FLI1: variants seen among roughly 807,000 people sequenced by gnomAD.
FLI1 encodes the protein Fli-1 proto-oncogene, ETS transcription factor.
Under a neutral mutation model 53.1 loss-of-function variants are expected in FLI1, and 13 were observed. The observed-to-expected ratio is 0.24, with a 90% confidence interval of 0.16 to 0.39. The LOEUF is 0.39. FLI1 is among the 10% of genes least tolerant of loss of function. The pLI is 1.00. For synonymous variants in FLI1, 244 were observed against 236.7 expected, an observed-to-expected ratio of 1.03 and a Z score of -0.28; for missense variants, 424 against 600.5, an observed-to-expected ratio of 0.71 and a Z score of 3.07.
In FLI1 at chr11:128,694,237, G is replaced by A. The variant is rs1281668606; in HGVS notation, c.-22G>A. 17 of 1,503,458 alleles carry A rather than the reference G, an allele frequency of 1.1e-5. No homozygotes were observed. Among genetic ancestry groups the A allele is most frequent in the Admixed American group, 2.3e-5 (1 of 43,564 alleles). The allele number at this position is 1,503,458 out of a possible 1,614,324, so 93.1% of individuals were successfully genotyped here. A position where few individuals can be genotyped will look rare whatever the true frequency, so the allele number is the denominator to read the frequency against. On this transcript the variant is annotated 5_prime_UTR_variant, in exon 1 of 9. Transcript: ENST00000527786. ...GGGTCAATGTGTGGAATATTGGGGG[G>A]CTCGGCTGCAGACTTGGCCAAATGG...
At chr11:128,751,823 TGG>T in intron 1 of FLI1, among the ~76,000 whole-genome samples, 1 of 148,620 alleles carries the variant, frequency 6.7e-6, no homozygotes, top group South Asian at 2.1e-4. Context: ...TTTTTTTTTT[TGG>T]GTTTGTTTTT....
chr11:128,727,384 G>A (rs563243774), intron 1 of FLI1, among the ~76,000 whole-genome samples: 5 of 152,214 alleles, frequency 3.3e-5, no homozygotes, highest in African/African-American at 7.2e-5. Flanking sequence ...GAAAACCAGC[G>A]ATAGCAAGCC....
chr11:128,759,066 G>A lies in FLI1; in HGVS notation c.230+740G>A, dbSNP rs11221460. On this transcript the variant is annotated intron_variant, in intron 2 of 8. Coordinates refer to ENST00000527786, the MANE Select transcript of FLI1 (RefSeq NM_002017.5). ...ACTTCCTTATGGTCCTTACTCTAGC[G>A]TTACTCTGATGCCTCAGGGAAAGGA... is the stretch of plus-strand genomic sequence containing the variant. Among the ~76,000 whole-genome samples, 1,401 of 152,302 alleles carry A rather than the reference G, an allele frequency of 9.2e-3. 22 individuals are homozygous for A. The highest frequency in any genetic ancestry group is 0.032 in the African/African-American group (1,335 of 41,540).
chr11:128,720,026 A>G (rs1474207872), intron 1 of FLI1, among the ~76,000 whole-genome samples: 1 of 152,182 alleles, frequency 6.6e-6, no homozygotes, highest in African/African-American at 2.4e-5. Flanking sequence ...CGTATAGAAA[A>G]TTTCAAAATA....
At chr11:128,694,983 C>G (rs1005700499) in intron 1 of FLI1, among the ~76,000 whole-genome samples, 1 of 152,134 alleles carries the variant, frequency 6.6e-6, no homozygotes, top group African/African-American at 2.4e-5. Flanking sequence ...AGCCCCCGTC[C>G]GCACAGATCC....
At chr11:128,691,506 A>AT (rs1371204718), upstream of FLI1, among the ~76,000 whole-genome samples, 1 of 152,050 alleles carries the variant, frequency 6.6e-6, no homozygotes, top group Non-Finnish European at 1.5e-5. Flanking sequence ...AAAATCGCCA[A>AT]CAACAGTGGC....
intron 1 of FLI1, among the ~76,000 whole-genome samples, chr11:128,714,474 T>G (rs1443674059): frequency 6.6e-6 from 1 of 152,234 alleles, no homozygotes; most frequent in Non-Finnish European, 1.5e-5. Context: ...TATCTGGTGT[T>G]TGTTAGAATT....
At chr11:128,724,358 G>A (rs1038716809) in intron 1 of FLI1, among the ~76,000 whole-genome samples, 2 of 152,160 alleles carry the variant, frequency 1.3e-5, no homozygotes, top group South Asian at 2.1e-4. Context: ...AGAGTGCCAC[G>A]GATATGGGGC....
At chr11:128,777,387 A>T (rs1941767548) in intron 4 of FLI1, among the ~76,000 whole-genome samples, 1 of 152,198 alleles carries the variant, frequency 6.6e-6, no homozygotes, top group Non-Finnish European at 1.5e-5. Flanking sequence ...TGGCTGCTCA[A>T]AAGAATGAAA....
Position 128,811,908 on chromosome 11 carries a change from C to T in FLI1, c.*920C>T, listed in dbSNP as rs968351595. ...TAATTAAAAATTAAGAATAAATAAACGAGTTGACCTCGGTCACAAAAGCAG... is the reference window on the plus strand; with the variant it reads ...TAATTAAAAATTAAGAATAAATAAATGAGTTGACCTCGGTCACAAAAGCAG... On this transcript the variant is annotated 3_prime_UTR_variant, in exon 9 of 9. Coordinates refer to ENST00000527786, the MANE Select transcript of FLI1 (RefSeq NM_002017.5). 1.0e-5 allele frequency: 2 copies of T among 198,024 alleles called. No homozygotes were observed. The highest frequency in any genetic ancestry group is 2.1e-5 in the Non-Finnish European group (2 of 95,628). The allele number at this position is 198,024 out of a possible 1,614,324, so 12.3% of individuals were successfully genotyped here. A position where few individuals can be genotyped will look rare whatever the true frequency, so the allele number is the denominator to read the frequency against.
intron 5 of FLI1, among the ~76,000 whole-genome samples, chr11:128,784,866 T>C (rs1397942865): frequency 1.3e-5 from 2 of 152,108 alleles, no homozygotes; most frequent in African/African-American, 4.8e-5. Flanking sequence ...GCTGTGTGTG[T>C]GTGTGTGTGT....
chr11:128,714,205 GA>G (rs11301098), intron 1 of FLI1, among the ~76,000 whole-genome samples: 30,842 of 97,422 alleles, frequency 0.32, 4,116 homozygotes, highest in East Asian at 0.48. Context: ...TCACTGGCCA[GA>G]AAAAAAAAAA....
At chr11:128,693,820 G>C (rs1202723059), upstream of FLI1, 1 of 238,494 alleles carries the variant, frequency 4.2e-6, no homozygotes, top group Non-Finnish European at 8.2e-6. Context: ...GGGCATCTCC[G>C]CGTATATTTA....
At chr11:128,790,985 T>C (rs182556508) in intron 5 of FLI1, among the ~76,000 whole-genome samples, 1 of 152,124 alleles carries the variant, frequency 6.6e-6, no homozygotes, top group Non-Finnish European at 1.5e-5. Flanking sequence ...GGAGCCTGTC[T>C]TCTGCCTGGG....
chr11:128,687,217 G>A (rs978243737), intron 1 of FLI1, among the ~76,000 whole-genome samples: 2 of 152,026 alleles, frequency 1.3e-5, no homozygotes, highest in African/African-American at 4.8e-5. Context: ...GGCCCCGCCC[G>A]CCCTTCGGAA....
At chr11:128,800,825 G>A (rs1028029227) in intron 5 of FLI1, among the ~76,000 whole-genome samples, 1 of 152,206 alleles carries the variant, frequency 6.6e-6, no homozygotes, top group African/African-American at 2.4e-5. Flanking sequence ...CGGCCTCTTT[G>A]CTTTGGCAAG....
chr11:128,805,849 C>G (rs1458135000), intron 6 of FLI1: 1 of 157,006 alleles, frequency 6.4e-6, no homozygotes, highest in Admixed American at 6.5e-5. Flanking sequence ...CTCATATCAT[C>G]ATCTCACCAC....
chr11:128,755,846 CTTCTGG>C (rs1431639278), intron 1 of FLI1, among the ~76,000 whole-genome samples: 1 of 152,166 alleles, frequency 6.6e-6, no homozygotes, highest in Non-Finnish European at 1.5e-5. Flanking sequence ...CATCCAAAGC[CTTCTGG>C]TGCAAAAGCA....
At chr11:128,722,258 C>T (rs907315345) in intron 1 of FLI1, among the ~76,000 whole-genome samples, 3 of 152,150 alleles carry the variant, frequency 2.0e-5, no homozygotes, top group African/African-American at 7.2e-5. Context: ...TATGGAAAAC[C>T]TGAAACATTT....
Sources: allele counts gnomAD v4.1 joint callset (sites outside exome capture counted in the v4.1 genomes callset), GRCh38; gene constraint gnomAD v4.1.1; transcripts MANE v1.5; gene names NCBI Gene and HGNC (gene_info 2026-07-23, HGNC 2026-07-21).